The following ZBED6 variants were observed in gnomAD, a reference collection of about 807,000 sequenced individuals.
ZBED6 encodes zinc finger BED domain-containing protein 6.
A neutral mutation model predicts 58.4 loss-of-function variants in ZBED6; 40 were observed. The ratio of observed to expected loss-of-function variants is 0.68; its 90% CI spans 0.53 to 0.89. ZBED6 has a LOEUF of 0.89. Among genes scored for constraint, ZBED6 ranks in the 40% least tolerant of loss-of-function variants. The probability of loss-of-function intolerance (pLI) is 0.00; values close to 1 mark genes in which losing one functional copy is unlikely to be tolerated. For missense variants in ZBED6, 1,057 were observed against 1,003.9 expected, an observed-to-expected ratio of 1.05 and a Z score of -0.71; for synonymous variants, 439 against 350.6, an observed-to-expected ratio of 1.25 and a Z score of -2.82.
At chr1:203,845,038 C>T (rs549239669) in intron 11 of ZBED6, among the ~76,000 whole-genome samples, 5 of 152,036 alleles carry the variant, frequency 3.3e-5, no homozygotes, top group East Asian at 1.9e-4. Context: ...CAGATCCCAC[C>T]GTTGCTTTTA....
At chr1:203,842,403 C>G (rs1686657328) in intron 11 of ZBED6, among the ~76,000 whole-genome samples, 1 of 152,182 alleles carries the variant, frequency 6.6e-6, no homozygotes, top group Non-Finnish European at 1.5e-5. Flanking sequence ...TGGAGACCAG[C>G]CCGGCCAACA....
At chr1:203,799,824 A>G (rs1269102848) in exon 1 of ZBED6, 1 of 1,467,080 alleles carries the variant, frequency 6.8e-7, no homozygotes, top group Non-Finnish European at 9.2e-7. Flanking sequence ...TATCTTGGCT[A>G]CTTTGTTAGA....
chr1:203,829,248 T>G (rs1184081415), intron 4 of ZBED6: 3 of 602,740 alleles, frequency 5.0e-6, no homozygotes, highest in Non-Finnish European at 5.9e-6. Flanking sequence ...ACTTTGTGTT[T>G]ATGTACAGTG....
chr1:203,820,482 G>GTGTGTGTGTGTGTGTGTGTGTGTGTA (rs1266406820), intron 3 of ZBED6, among the ~76,000 whole-genome samples: 2 of 151,852 alleles, frequency 1.3e-5, no homozygotes, highest in Non-Finnish European at 1.5e-5. Context: ...GTGTGTGTGT[G>GTGTGTGTGTGTGTGTGTGTGTGTGTA]TATATTTTGA....
chr1:203,810,216 TC>T (rs891538823), intron 1 of ZBED6, among the ~76,000 whole-genome samples: 2 of 151,960 alleles, frequency 1.3e-5, no homozygotes, highest in African/African-American at 4.8e-5. Context: ...TCTCAAGTGA[TC>T]CTCTTGCCTT....
exon 14 of ZBED6, chr1:203,849,864 G>T (rs751613099): frequency 3.1e-6 from 5 of 1,613,960 alleles, no homozygotes; most frequent in Non-Finnish European, 2.5e-6. Context: ...TACCCAAGTG[G>T]CAGAGAAACC....
At chr1:203,821,301 G>A (rs922642314) in intron 3 of ZBED6, among the ~76,000 whole-genome samples, 6 of 152,016 alleles carry the variant, frequency 3.9e-5, no homozygotes, top group East Asian at 1.9e-4. Flanking sequence ...AGAACTGTGA[G>A]TTAGTTAAAC....
chr1:203,847,080 T>TGATA (rs1406676548), intron 11 of ZBED6, 104 bp from the exon 12 acceptor site: 2 of 1,240,232 alleles, frequency 1.6e-6, no homozygotes, highest in Non-Finnish European at 2.3e-6. Flanking sequence ...CCTGCTTAAA[T>TGATA]GATAGCTCTC....
intron 3 of ZBED6, among the ~76,000 whole-genome samples, chr1:203,819,529 ATTTT>A (rs755259647): frequency 1.6e-4 from 12 of 72,882 alleles, no homozygotes; most frequent in Non-Finnish European, 2.4e-4. Context: ...GCTGACTCCA[ATTTT>A]TTTTTTTTTT....
At chr1:203,841,259 T>G (rs1446923786) in intron 11 of ZBED6, among the ~76,000 whole-genome samples, 1 of 151,654 alleles carries the variant, frequency 6.6e-6, no homozygotes. Flanking sequence ...CAGATAAACA[T>G]GTGAACAAGG....
At chr1:203,842,426 G>A (rs577256259) in intron 11 of ZBED6, among the ~76,000 whole-genome samples, 8 of 152,118 alleles carry the variant, frequency 5.3e-5, no homozygotes, top group Non-Finnish European at 8.8e-5. Context: ...GCGAAACCCC[G>A]TCTCCACCAA....
chr1:203,810,409 A>G (rs183368844), intron 1 of ZBED6, among the ~76,000 whole-genome samples: 93 of 147,604 alleles, frequency 6.3e-4, no homozygotes, highest in Middle Eastern at 3.6e-3. Context: ...CTTGTTTTAC[A>G]TTGTAGCTGT....
At chr1:203,799,698 C>T (rs1176755926) in exon 1 of ZBED6, 2 of 715,362 alleles carry the variant, frequency 2.8e-6, no homozygotes, top group Non-Finnish European at 5.0e-6. Context: ...CCTGCAGAAA[C>T]TCAGAGAAGA....
chr1:203,850,069 T>C, intron 14 of ZBED6, 43 bp downstream of exon 14: 1 of 1,581,796 alleles, frequency 6.3e-7, no homozygotes, highest in South Asian at 1.1e-5. Context: ...TTATCAAAAT[T>C]ACCAAATTCA....
exon 1 of ZBED6, chr1:203,796,369 T>A (rs982307812): frequency 2.0e-5 from 8 of 398,300 alleles, no homozygotes; most frequent in Non-Finnish European, 2.7e-5. Flanking sequence ...CCTACACCCA[T>A]TCCCCACTCT....
chr1:203,840,416 T>C, intron 11 of ZBED6, 42 bp downstream of exon 11: 1 of 1,585,870 alleles, frequency 6.3e-7, no homozygotes, highest in Non-Finnish European at 8.6e-7. Context: ...TTTTTTTCTT[T>C]GCTGTAAGAG....
intron 9 of ZBED6, chr1:203,835,555 C>T (rs1001072203): frequency 2.4e-5 from 4 of 167,570 alleles, no homozygotes; most frequent in African/African-American, 9.6e-5. Context: ...TAGCGCAAAT[C>T]CACTTTTACT....
chr1:203,808,464 C>T (rs1226251659), intron 1 of ZBED6, among the ~76,000 whole-genome samples: 22 of 152,182 alleles, frequency 1.4e-4, no homozygotes, highest in Admixed American at 1.3e-3. Flanking sequence ...TGATGATCCC[C>T]TTTAATGTAA....
At chr1:203,842,073 A>G (rs973029327) in intron 11 of ZBED6, among the ~76,000 whole-genome samples, 7 of 148,890 alleles carry the variant, frequency 4.7e-5, no homozygotes, top group South Asian at 2.1e-4. Context: ...CTCACTTCCT[A>G]GACGGGATGG....
Sources: allele counts gnomAD v4.1 joint callset (sites outside exome capture counted in the v4.1 genomes callset), GRCh38; gene constraint gnomAD v4.1.1; transcripts MANE v1.5; gene names NCBI Gene and HGNC (gene_info 2026-07-23, HGNC 2026-07-21).